Variants in GSC observed in about 807,000 individuals in gnomAD.
GSC encodes the protein homeobox protein goosecoid.
Under a neutral mutation model 24.5 loss-of-function variants are expected in GSC, and 13 were observed. The observed-to-expected ratio is 0.53, with a 90% confidence interval of 0.35 to 0.84. GSC has a LOEUF of 0.84. GSC is among the 40% of genes least tolerant of loss of function. The probability of loss-of-function intolerance (pLI) is 0.01; values close to 1 mark genes in which losing one functional copy is unlikely to be tolerated. For missense variants in GSC, 382 were observed against 384.2 expected, an observed-to-expected ratio of 0.99 and a Z score of 0.05; for synonymous variants, 199 against 182.1, an observed-to-expected ratio of 1.09 and a Z score of -0.75.
At chr14:94,768,690 G>A (rs1284558232) in intron 2 of GSC, 41 bp from the exon 3 acceptor site, 2 of 1,608,476 alleles carry the variant, frequency 1.2e-6, no homozygotes, top group Admixed American at 1.7e-5. Flanking sequence ...GATCAAAGGC[G>A]CGCTTCCCCC....
chr14:94,769,295 C>T, intron 1 of GSC, 78 bp from the exon 2 acceptor site: 1 of 1,509,412 alleles, frequency 6.6e-7, no homozygotes, highest in Non-Finnish European at 8.9e-7. Flanking sequence ...CCCCGACCCT[C>T]TTCCACTTAG....
chr14:94,769,011 C>A lies in GSC; in HGVS notation c.562G>T (p.Gly188Cys). The A allele has an allele frequency of 6.3e-7, 1 of 1,596,772 alleles. No individual in the cohort carries two copies. Among genetic ancestry groups the A allele is most frequent in the South Asian group, 1.1e-5 (1 of 88,088 alleles). ...LFQETKYPDV[G>C]TREQLARKVH... The stretch of plus-strand genomic sequence containing the variant: ...TTCCGGGCCAGCTGCTCGCGCGTGC[C>A]CACGTCCGGGTACTTGGTCTCCTGG... The change falls in exon 2 of 3, where the codon GGC becomes TGC. Residue 188 changes from glycine (G) to cysteine (C), a missense_variant. Coordinates refer to ENST00000238558, the MANE Select transcript of GSC (RefSeq NM_173849.3).
At position 94,768,340 on chromosome 14, in the gene GSC, G is replaced by A; in HGVS notation, c.*151C>T. 1 of 1,048,970 alleles carries A rather than the reference G, an allele frequency of 9.5e-7. No individual in the cohort carries two copies. Among genetic ancestry groups the A allele is most frequent in the Non-Finnish European group, 1.4e-6 (1 of 698,516 alleles). The allele number at this position is 1,048,970 out of a possible 1,614,324, so 65.0% of individuals were successfully genotyped here. A position where few individuals can be genotyped will look rare whatever the true frequency, so the allele number is the denominator to read the frequency against. On this transcript the variant is annotated 3_prime_UTR_variant, in exon 3 of 3. Transcript: ENST00000238558. The stretch of plus-strand genomic sequence containing the variant: ...TGTGCGCGCCCTGACCCCAGACGCC[G>A]ACCCTCCCGGCTCTGTACACTATTT...
Position 94,770,060 on chromosome 14 carries a change from A to G in GSC, c.-45T>C, listed in dbSNP as rs1490288288. The G allele has an allele frequency of 1.3e-6, 2 of 1,513,110 alleles. No individual in the cohort carries two copies. The highest frequency in any genetic ancestry group is 2.0e-5 in the Admixed American group (1 of 49,786). The allele number at this position is 1,513,110 out of a possible 1,614,324, so 93.7% of individuals were successfully genotyped here. On this transcript the variant is annotated 5_prime_UTR_variant, in exon 1 of 3. Transcript: ENST00000238558. ...ACCGGGGGGCGGCGGGAACGCGCCG[A>G]GGACAGAGCCTTAAAGTGGGGGGGT...
chr14:94,769,702 G>T lies in GSC; in HGVS notation c.314C>A (p.Pro105Gln). 2 of 1,445,982 alleles carry T rather than the reference G, an allele frequency of 1.4e-6. No individual in the cohort carries two copies. Among genetic ancestry groups the T allele is most frequent in the Non-Finnish European group, 1.8e-6 (2 of 1,108,384 alleles). 89.6% of individuals were successfully genotyped at this position (1,445,982 alleles called of 1,614,324 possible). ...VGPACCGAVPPLGAQQCSCVP... is the reference protein window; with the variant it reads ...VGPACCGAVPQLGAQQCSCVP... ...GCAGGAGCACTGCTGGGCGCCCAGC[G>T]GCGGCACGGCCCCGCAGCAGGCCGG... The change falls in exon 1 of 3, where the codon CCG becomes CAG. Residue 105 changes from proline (P) to glutamine (Q), a missense_variant. Transcript: ENST00000238558.
At position 94,769,789 on chromosome 14, in the gene GSC, G is replaced by C. The variant is rs2139703912; in HGVS notation, c.227C>G (p.Ser76Cys). 1 of 1,425,848 alleles carries C rather than the reference G, an allele frequency of 7.0e-7. No individual in the cohort carries two copies. The highest frequency in any genetic ancestry group is 1.5e-5 in the South Asian group (1 of 67,280). 88.3% of individuals were successfully genotyped at this position (1,425,848 alleles called of 1,614,324 possible). A position where few individuals can be genotyped will look rare whatever the true frequency, so the allele number is the denominator to read the frequency against. The stretch of plus-strand genomic sequence containing the variant: ...GAAGTAGTTGTTGTAGCCGAGGCGG[G>C]AGCCGCTGACCGCGGCCGGGAGGCC... ...GAGLPAAVSGSRLGYNNYFYG... is the reference protein window; with the variant it reads ...GAGLPAAVSGCRLGYNNYFYG... The change falls in exon 1 of 3, where the codon TCC (serine) becomes TGC (cysteine). Residue 76 changes from serine (S) to cysteine (C), a missense_variant. Physicochemically the swap from Ser to Cys is moderately radical, Grantham distance 112. Coordinates refer to ENST00000238558, the MANE Select transcript of GSC (RefSeq NM_173849.3).
chr14:94,769,899 G>A lies in GSC; in HGVS notation c.117C>T (p.His39=). 1 of 1,523,962 alleles carries A rather than the reference G, an allele frequency of 6.6e-7. No homozygotes were observed. The highest frequency in any genetic ancestry group is 8.7e-7 in the Non-Finnish European group (1 of 1,143,384). The allele number at this position is 1,523,962 out of a possible 1,614,324, so 94.4% of individuals were successfully genotyped here. A position where few individuals can be genotyped will look rare whatever the true frequency, so the allele number is the denominator to read the frequency against. The change falls in exon 1 of 3, where the codon CAC becomes CAT. Residue 39 remains histidine, a synonymous_variant. Coordinates refer to ENST00000238558, the MANE Select transcript of GSC (RefSeq NM_173849.3). The part of the protein sequence containing the change: ...AAAPVVFPAL[H]GDSLYGASGG... ...CGCTGGCGCCGTAGAGCGAGTCCCC[G>A]TGCAGGGCCGGGAAGACGACGGGAG...
chr14:94,769,741 G>T lies in GSC; in HGVS notation c.275C>A (p.Ala92Glu). Residue 92 changes from alanine to glutamate, a missense_variant, in exon 1 of 3, where the codon GCG becomes GAG. Transcript: ENST00000238558. The stretch of plus-strand genomic sequence containing the variant: ...GCAGCAGGCCGGGCCCACGGGCGCC[G>T]CCTGCACGTGCAGCTGCCCGTAGAA... ...NYFYGQLHVQ[A>E]APVGPACCGA... 6.9e-7 allele frequency: 1 copy of T among 1,442,136 alleles called. No individual in the cohort carries two copies. 89.3% of individuals were successfully genotyped at this position (1,442,136 alleles called of 1,614,324 possible). A position where few individuals can be genotyped will look rare whatever the true frequency, so the allele number is the denominator to read the frequency against.
chr14:94,768,820 G>A (rs1202275568), intron 2 of GSC, 138 bp downstream of exon 2: 1 of 1,388,270 alleles, frequency 7.2e-7, no homozygotes, highest in East Asian at 2.5e-5. Context: ...GGCCTAAAGC[G>A]CCCTCCAGCA....
rs137930313 is a variant in GSC at position 94,768,860 on chromosome 14, A to G, written c.615+98T>C. ...GCGGGCCGCCATCGGGATGTTTTTA[A>G]AGTGCGGGGAGAGCCAAGCAGGGCT... On this transcript the variant is annotated intron_variant, in intron 2 of 2. Coordinates refer to ENST00000238558, the MANE Select transcript of GSC (RefSeq NM_173849.3). 2.7e-5 allele frequency: 41 copies of G among 1,494,794 alleles called. 1 individual carries two copies. In the African/African-American group the frequency reaches 5.0e-4, roughly 18 times the overall value. The allele number at this position is 1,494,794 out of a possible 1,614,324, so 92.6% of individuals were successfully genotyped here. A position where few individuals can be genotyped will look rare whatever the true frequency, so the allele number is the denominator to read the frequency against.
Position 94,768,484 on chromosome 14 carries a change from G to A in GSC, c.*7C>T, listed in dbSNP as rs748264067. ...GGTAAGTAATACGGGCAAGTGTCCC[G>A]CGGCCGTCAGCTGTCCGAGTCCAAA... On this transcript the variant is annotated 3_prime_UTR_variant, in exon 3 of 3. Coordinates refer to ENST00000238558, the MANE Select transcript of GSC (RefSeq NM_173849.3). 2 of 1,614,138 alleles carry A rather than the reference G, an allele frequency of 1.2e-6. No individual in the cohort carries two copies. Among genetic ancestry groups the A allele is most frequent in the East Asian group, 2.2e-5 (1 of 44,886 alleles).
intron 2 of GSC, 29 bp downstream of exon 2, chr14:94,768,929 A>G (rs770405219): frequency 6.4e-7 from 1 of 1,564,466 alleles, no homozygotes; most frequent in South Asian, 1.2e-5. Context: ...AAGGACCGCT[A>G]GGCGCCCACG....
rs1288594053 is a variant in GSC, at chr14:94,769,978, G to A, written c.38C>T (p.Ala13Val). Residue 13 changes from alanine (A) to valine (V), a missense_variant, in exon 1 of 3, where the codon GCC becomes GTC. By Grantham distance (64) the Ala-to-Val change is moderately conservative. Coordinates refer to ENST00000238558, the MANE Select transcript of GSC (RefSeq NM_173849.3). ...CGAGTCCTTGCAGCGCGGCCGGGCG[G>A]CTAGGATGTTGTCGATGCTGAACAT... ...ASMFSIDNILAARPRCKDSVL... is the reference protein window; with the variant it reads ...ASMFSIDNILVARPRCKDSVL... 6.4e-7 allele frequency: 1 copy of A among 1,559,652 alleles called. No homozygotes were observed. Among genetic ancestry groups the A allele is most frequent in the Non-Finnish European group, 8.6e-7 (1 of 1,161,422 alleles).
chr14:94,769,989 G>A lies in GSC; in HGVS notation c.27C>T (p.Asp9=), dbSNP rs1595158048. The change falls in exon 1 of 3, where the codon GAC becomes GAT. Residue 9 remains aspartate, a synonymous_variant. Transcript: ENST00000238558. MPASMFSI[D]NILAARPRCK... ...AGCGCGGCCGGGCGGCTAGGATGTT[G>A]TCGATGCTGAACATGCTGGCGGGCA... 2 of 1,561,822 alleles carry A rather than the reference G, an allele frequency of 1.3e-6. No homozygotes were observed. The highest frequency in any genetic ancestry group is 2.3e-5 in the East Asian group (1 of 43,008).
chr14:94,768,772 C>A lies in GSC; in HGVS notation c.616-123G>T, dbSNP rs3905049. The A allele has an allele frequency of 0.033, 46,652 of 1,407,968 alleles. 1,206 individuals are homozygous for A. Among genetic ancestry groups the A allele is most frequent in the East Asian group, 0.14 (5,694 of 42,002 alleles). 87.2% of individuals were successfully genotyped at this position (1,407,968 alleles called of 1,614,324 possible). On this transcript the variant is annotated intron_variant, in intron 2 of 2. Transcript: ENST00000238558. ...CGCAGGCCAACAAAAGGAGGGGAGC[C>A]GCTCGCTCCCGCTTCCGCGTTTTCA...
rs1885219849 is a variant in GSC, at chr14:94,768,728, G to A, written c.616-79C>T. ...TCCCGGGGCACCCGGGGAGCTTGGT[G>A]TGGCGGCGGGACACCCCGCGCAGGC... On this transcript the variant is annotated intron_variant, in intron 2 of 2. Coordinates refer to ENST00000238558, the MANE Select transcript of GSC (RefSeq NM_173849.3). 6 of 1,574,968 alleles carry A rather than the reference G, an allele frequency of 3.8e-6. No homozygotes were observed. In the Admixed American group the frequency reaches 5.0e-5, roughly 13 times the overall value.
At position 94,769,232 on chromosome 14, in the gene GSC, G is replaced by A; in HGVS notation, c.356-15C>T. 6.5e-7 allele frequency: 1 copy of A among 1,548,176 alleles called. No homozygotes were observed. Among genetic ancestry groups the A allele is most frequent in the South Asian group, 1.2e-5 (1 of 84,066 alleles). On this transcript the variant is annotated splice_polypyrimidine_tract_variant and intron_variant, in intron 1 of 2. Transcript: ENST00000238558. Reference sequence around the variant, plus strand: ...GCCCTCGTAGCCTGCGACAGAGTGGGGCGCACGGTCAGCCGCCCGCCCTCG... The same window carrying A: ...GCCCTCGTAGCCTGCGACAGAGTGGAGCGCACGGTCAGCCGCCCGCCCTCG...
Position 94,770,076 on chromosome 14 carries a change from G to C in GSC, c.-61C>G. ...AACGCGCCGAGGACAGAGCCTTAAA[G>C]TGGGGGGGTCCACTCTCCTCCAGCC... On this transcript the variant is annotated 5_prime_UTR_variant, in exon 1 of 3. Transcript: ENST00000238558. The C allele has an allele frequency of 6.9e-7, 1 of 1,453,784 alleles. No individual in the cohort carries two copies. Among genetic ancestry groups the C allele is most frequent in the South Asian group, 1.3e-5 (1 of 79,938 alleles). The allele number at this position is 1,453,784 out of a possible 1,614,324, so 90.1% of individuals were successfully genotyped here.
rs149410963 is a variant in GSC, at chr14:94,769,111, C to T, written c.462G>A (p.Gln154=). The T allele has an allele frequency of 1.2e-4, 186 of 1,587,594 alleles. 1 individual carries two copies. Among genetic ancestry groups the T allele is most frequent in the Non-Finnish European group, 1.5e-4 (175 of 1,167,660 alleles). ...GCCGCCGCTTCCGCCGACAGTGCAG[C>T]TGGTTGAGAAGCTGCAGCTCGGTGC... ...LSRTELQLLN[Q]LHCRRKRRHR... The change falls in exon 2 of 3, where the codon CAG becomes CAA. Residue 154 remains glutamine, a synonymous_variant. Transcript: ENST00000238558.
Sources: allele counts gnomAD v4.1 joint callset, GRCh38; gene constraint gnomAD v4.1.1; transcripts MANE v1.5; gene names NCBI Gene and HGNC (gene_info 2026-07-23, HGNC 2026-07-21).